Variants in HTRA1 observed in about 807,000 individuals in gnomAD.
The protein encoded by HTRA1 is serine protease HTRA1.
HTRA1 carries 26 observed loss-of-function variants against 49.7 expected under a neutral mutation model. That is an observed-to-expected ratio of 0.52 (90% CI 0.38 to 0.73). HTRA1 has a LOEUF of 0.73. Among genes scored for constraint, HTRA1 ranks in the 30% least tolerant of loss-of-function variants. The pLI is 0.00. For missense variants in HTRA1, 561 were observed against 667.2 expected (o/e 0.84, Z 1.75); for synonymous variants, 291 against 286.9 (o/e 1.01, Z -0.14).
intron 3 of HTRA1, 77 bp downstream of exon 3, chr10:122,489,703 G>C: frequency 7.5e-7 from 1 of 1,326,454 alleles, no homozygotes; most frequent in African/African-American, 1.4e-5. Flanking sequence ...AGAGCTCTCT[G>C]ATTGCAGCTG....
intron 1 of HTRA1, among the ~76,000 whole-genome samples, chr10:122,471,784 G>A (rs774875896): frequency 6.6e-6 from 1 of 152,176 alleles, no homozygotes; most frequent in Non-Finnish European, 1.5e-5. Context: ...CATCTCAGCC[G>A]CATCCTCCTG....
rs56115456 is a variant in HTRA1, at chr10:122,472,369, CTATTATTATTATTATTATTATTATTAT to C, written c.472+10262_472+10288del. Among the ~76,000 whole-genome samples, 9 of 141,822 alleles carry C rather than the reference CTATTATTATTATTATTATTATTATTAT, an allele frequency of 6.3e-5. No homozygotes were observed. In the East Asian group the frequency reaches 1.8e-3, roughly 29 times the overall value. 93.0% of individuals were successfully genotyped at this position (141,822 alleles called of 152,430 possible). ...CCCCAGAAATATCATTTCTTTATTACTATTATTATTATTATTATTATTATTATTATTATTATTATTATTTTGAGACAG... is the reference window on the plus strand; with the variant it reads ...CCCCAGAAATATCATTTCTTTATTACTATTATTATTATTATTTTGAGACAG... On this transcript the variant is annotated intron_variant, in intron 1 of 8. Transcript: ENST00000368984.
At chr10:122,497,734 T>C (rs1000230151) in intron 3 of HTRA1, among the ~76,000 whole-genome samples, 2 of 152,254 alleles carry the variant, frequency 1.3e-5, no homozygotes, top group Admixed American at 6.5e-5. Context: ...TCCCAATGGA[T>C]GTTTTAAGAC....
Position 122,506,683 on chromosome 10 carries a change from G to T in HTRA1, c.778-8G>T, listed in dbSNP as rs753112458. On this transcript the variant is annotated splice_region_variant and splice_polypyrimidine_tract_variant and intron_variant, in intron 3 of 8. Transcript: ENST00000368984. The surrounding 1 kb of genome is among the most constrained non-coding windows in gnomAD (Gnocchi z 5.2). Reference sequence around the variant, plus strand: ...CCAACTCAGCAACGCCAGCCATTGTGGTTTCAGGGCAAGCTGCCTGTCCTG... The same window carrying T: ...CCAACTCAGCAACGCCAGCCATTGTTGTTTCAGGGCAAGCTGCCTGTCCTG... 4 of 1,611,282 alleles carry T rather than the reference G, an allele frequency of 2.5e-6. No individual in the cohort carries two copies. In the African/African-American group the frequency reaches 4.0e-5, roughly 16 times the overall value.
chr10:122,489,719 C>T lies in HTRA1; in HGVS notation c.777+93C>T, dbSNP rs2239586. 0.14 allele frequency: 168,066 copies of T among 1,198,730 alleles called. 15,103 individuals are homozygous for T. Among genetic ancestry groups the T allele is most frequent in the East Asian group, 0.35 (14,053 of 39,640 alleles). 74.3% of individuals were successfully genotyped at this position (1,198,730 alleles called of 1,614,324 possible). ...GAGCTCTCTGATTGCAGCTGATTCT[C>T]GGGGGGCACTGAAGCCAGTCTGAGC... On this transcript the variant is annotated intron_variant, in intron 3 of 8. Coordinates refer to ENST00000368984, the MANE Select transcript of HTRA1 (RefSeq NM_002775.5).
At chr10:122,489,371 C>G (rs956575962) in intron 2 of HTRA1, 51 bp from the exon 3 acceptor site, 2 of 1,497,206 alleles carry the variant, frequency 1.3e-6, no homozygotes, top group Non-Finnish European at 1.9e-6. Context: ...TGCGTTGAAG[C>G]GTTCATTTTA....
intron 3 of HTRA1, among the ~76,000 whole-genome samples, chr10:122,497,689 C>A (rs1223788020): frequency 6.6e-6 from 1 of 152,252 alleles, no homozygotes. Flanking sequence ...AAATGCCAGG[C>A]CTTGGCTAAC....
chr10:122,497,244 C>A (rs1429802160), intron 3 of HTRA1, among the ~76,000 whole-genome samples: 1 of 152,178 alleles, frequency 6.6e-6, no homozygotes, highest in Non-Finnish European at 1.5e-5. Flanking sequence ...CTCACAGAAA[C>A]CACTGGCCTT....
intron 1 of HTRA1, among the ~76,000 whole-genome samples, chr10:122,474,143 T>A (rs371448697): frequency 3.3e-5 from 5 of 152,206 alleles, no homozygotes; most frequent in East Asian, 1.9e-4. Flanking sequence ...AAGGAAAACA[T>A]GAGGAAATGC....
chr10:122,489,056 A>G (rs2097494489), intron 2 of HTRA1, 55 bp downstream of exon 2: 1 of 1,196,290 alleles, frequency 8.4e-7, no homozygotes, highest in Non-Finnish European at 1.3e-6. Context: ...CGCCACTAGC[A>G]AAACATGAGA....
At chr10:122,489,720 G>T in intron 3 of HTRA1, 94 bp downstream of exon 3, 1 of 1,176,432 alleles carries the variant, frequency 8.5e-7, no homozygotes, top group Non-Finnish European at 1.2e-6. Context: ...GCTGATTCTC[G>T]GGGGGCACTG....
chr10:122,485,141 C>T (rs551614846), intron 1 of HTRA1, among the ~76,000 whole-genome samples: 1 of 152,336 alleles, frequency 6.6e-6, no homozygotes, highest in East Asian at 1.9e-4. Context: ...TCTGAAATGG[C>T]GTTTGGACAA....
Position 122,461,555 on chromosome 10 carries a change from T to G in HTRA1, c.-98T>G. On this transcript the variant is annotated 5_prime_UTR_variant, in exon 1 of 9. Transcript: ENST00000368984. ...GGCTGGGCCGCGCGGCCGCGCGCAC[T>G]CGCACCCGCTGCCCCCGAGGCCCTC... 1 of 626,272 alleles carries G rather than the reference T, an allele frequency of 1.6e-6. No homozygotes were observed. Among genetic ancestry groups the G allele is most frequent in the Non-Finnish European group, 2.3e-6 (1 of 443,822 alleles). 38.8% of individuals were successfully genotyped at this position (626,272 alleles called of 1,614,324 possible).
chr10:122,485,819 G>T (rs1319241743), intron 1 of HTRA1, among the ~76,000 whole-genome samples: 1 of 152,188 alleles, frequency 6.6e-6, no homozygotes, highest in Non-Finnish European at 1.5e-5. Flanking sequence ...GAAGGCGCTG[G>T]TAATGGTCCT....
At chr10:122,509,431 T>C (rs1027563749) in intron 6 of HTRA1, among the ~76,000 whole-genome samples, 2 of 151,990 alleles carry the variant, frequency 1.3e-5, no homozygotes, top group African/African-American at 4.8e-5. Context: ...GGCAGGGATG[T>C]GGGGGGAACA....
chr10:122,509,275 A>G (rs2097504511), intron 6 of HTRA1, among the ~76,000 whole-genome samples: 1 of 152,178 alleles, frequency 6.6e-6, no homozygotes, highest in Admixed American at 6.5e-5. Context: ...CTGACAGTAA[A>G]TAATCAAACA....
At chr10:122,496,848 C>T (rs544739900) in intron 3 of HTRA1, among the ~76,000 whole-genome samples, 1 of 152,206 alleles carries the variant, frequency 6.6e-6, no homozygotes, top group East Asian at 1.9e-4. Flanking sequence ...TTAGAACCCT[C>T]CAGAACAAGT....
At chr10:122,488,847 C>T in intron 1 of HTRA1, 55 bp from the exon 2 acceptor site, 1 of 1,380,918 alleles carries the variant, frequency 7.2e-7, no homozygotes, top group South Asian at 1.2e-5. Context: ...ATGTCTTTCT[C>T]TAGGTGGCCA....
intron 1 of HTRA1, among the ~76,000 whole-genome samples, chr10:122,475,404 C>T (rs2097487998): frequency 6.6e-6 from 1 of 152,240 alleles, no homozygotes; most frequent in Non-Finnish European, 1.5e-5. Flanking sequence ...CCTCTTCCTC[C>T]TTGATTCATT....
Sources: gnomAD v4.1 joint callset for allele counts (sites outside exome capture counted in the v4.1 genomes callset) on GRCh38, gnomAD v4.1.1 for gene constraint, Gnocchi (gnomAD v3.1) non-coding constraint, MANE v1.5 for transcripts, NCBI Gene and HGNC (gene_info 2026-07-23, HGNC 2026-07-21) for gene names.